CDC42BPA: variants seen among roughly 807,000 people sequenced by gnomAD.
The protein encoded by CDC42BPA is CDC42 binding protein kinase alpha, also known as serine/threonine-protein kinase MRCK alpha.
Under a neutral mutation model 223.5 loss-of-function variants are expected in CDC42BPA, and 80 were observed. That is an observed-to-expected ratio of 0.36 (90% CI 0.30 to 0.43). CDC42BPA has a LOEUF of 0.43. CDC42BPA is among the 20% of genes least tolerant of loss of function. The pLI, the probability that CDC42BPA is intolerant of heterozygous loss-of-function variation, is 1.00. For synonymous variants in CDC42BPA, 694 were observed against 718.6 expected, an observed-to-expected ratio of 0.97 and a Z score of 0.55; for missense variants, 1,743 against 2,099.9, an observed-to-expected ratio of 0.83 and a Z score of 3.32.
intron 5 of CDC42BPA, among the ~76,000 whole-genome samples, chr1:227,170,569 C>T (rs374566675): frequency 1.4e-4 from 21 of 152,280 alleles, no homozygotes; most frequent in Middle Eastern, 3.4e-3. Flanking sequence ...AGCTTTGCCC[C>T]AGATGTCAAC....
intron 1 of CDC42BPA, among the ~76,000 whole-genome samples, chr1:227,289,888 C>CAAA (rs10629910): frequency 0.089 from 10,772 of 120,900 alleles, 987 homozygotes; most frequent in East Asian, 0.35. Flanking sequence ...CCTGTCTCTA[C>CAAA]AAAAAAAAAA....
intron 1 of CDC42BPA, among the ~76,000 whole-genome samples, chr1:227,300,749 C>T (rs1691490570): frequency 1.3e-5 from 2 of 152,136 alleles, no homozygotes; most frequent in African/African-American, 4.8e-5. Context: ...GACGAGTGTA[C>T]TAAAATCTTG....
chr1:227,036,651 G>A (rs1235994521), intron 24 of CDC42BPA, among the ~76,000 whole-genome samples: 2 of 152,018 alleles, frequency 1.3e-5, no homozygotes, highest in Non-Finnish European at 2.9e-5. Flanking sequence ...GGATGGTCTC[G>A]ATCTCCTGAC....
At chr1:227,205,033 T>C (rs975577872) in intron 3 of CDC42BPA, among the ~76,000 whole-genome samples, 4 of 151,782 alleles carry the variant, frequency 2.6e-5, no homozygotes, top group African/African-American at 9.7e-5. Context: ...CTGAGGCAGA[T>C]GGATCACCTG....
At position 227,074,310 on chromosome 1, in the gene CDC42BPA, C is replaced by T. The variant is rs554810044; in HGVS notation, c.2535G>A (p.Met845Ile). Residue 845 changes from methionine (M) to isoleucine (I), a missense_variant, in exon 18 of 37, where the codon ATG (methionine) becomes ATA (isoleucine). Physicochemically the swap from Met to Ile is conservative, Grantham distance 10. Coordinates refer to ENST00000366766, the MANE Select transcript of CDC42BPA (RefSeq NM_001394014.1). Reference sequence around the variant, plus strand: ...TTCTTAATGCCTCCAATTCTTCAGTCATTTTAGAAGCTAAGGCCTGAAGAT... The same window carrying T: ...TTCTTAATGCCTCCAATTCTTCAGTTATTTTAGAAGCTAAGGCCTGAAGAT... ...RGYLQALASK[M>I]TEELEALRNS... is the part of the protein sequence containing the mutation. 9 of 1,613,756 alleles carry T rather than the reference C, an allele frequency of 5.6e-6. No individual in the cohort carries two copies. Among genetic ancestry groups the T allele is most frequent in the African/African-American group, 5.3e-5 (4 of 75,022 alleles).
intron 5 of CDC42BPA, among the ~76,000 whole-genome samples, chr1:227,182,060 T>C (rs1405429469): frequency 6.6e-6 from 1 of 152,160 alleles, no homozygotes; most frequent in Non-Finnish European, 1.5e-5. Context: ...ATTGTAGGTA[T>C]GCTCTCAGCT....
intron 6 of CDC42BPA, among the ~76,000 whole-genome samples, chr1:227,148,726 C>T (rs1324453193): frequency 8.2e-6 from 1 of 122,026 alleles, no homozygotes; most frequent in Admixed American, 1.1e-4. Flanking sequence ...AAGATTGCGC[C>T]ACTGCACTCC....
intron 2 of CDC42BPA, among the ~76,000 whole-genome samples, chr1:227,230,889 C>T (rs1572509725): frequency 7.3e-6 from 1 of 137,366 alleles, no homozygotes; most frequent in East Asian, 2.2e-4. Flanking sequence ...GGCGTGGTCT[C>T]GGCTCAGTGC....
intron 21 of CDC42BPA, among the ~76,000 whole-genome samples, chr1:227,060,952 C>T (rs1461303725): frequency 1.3e-5 from 2 of 152,006 alleles, no homozygotes; most frequent in East Asian, 3.9e-4. Context: ...GAACTCCTGA[C>T]CTAAGTGATC....
intron 10 of CDC42BPA, among the ~76,000 whole-genome samples, chr1:227,138,710 T>C (rs1659123044): frequency 6.6e-6 from 1 of 152,084 alleles, no homozygotes; most frequent in Admixed American, 6.5e-5. Context: ...GAATTAATAT[T>C]AGTCAGCACG....
intron 21 of CDC42BPA, among the ~76,000 whole-genome samples, chr1:227,054,891 A>C (rs1413206003): frequency 1.3e-5 from 2 of 152,062 alleles, no homozygotes; most frequent in Non-Finnish European, 2.9e-5. Context: ...ATATACTCTT[A>C]AATAAAAATC....
intron 5 of CDC42BPA, among the ~76,000 whole-genome samples, chr1:227,182,432 T>C (rs1417937214): frequency 6.6e-6 from 1 of 152,220 alleles, no homozygotes; most frequent in Non-Finnish European, 1.5e-5. Context: ...TTCCAGTCTT[T>C]AGAAAAGCAA....
At position 227,162,984 on chromosome 1, in the gene CDC42BPA, A is replaced by ATG. The variant is rs1553371390; in HGVS notation, c.600-2350_600-2349dup. Among the ~76,000 whole-genome samples, 73 of 141,292 alleles carry ATG rather than the reference A, an allele frequency of 5.2e-4. No individual in the cohort carries two copies. In the Middle Eastern group the frequency reaches 0.015, roughly 28 times the overall value. The allele number at this position is 141,292 out of a possible 152,430, so 92.7% of individuals were successfully genotyped here. On this transcript the variant is annotated intron_variant, in intron 5 of 36. Coordinates refer to ENST00000366766, the MANE Select transcript of CDC42BPA (RefSeq NM_001394014.1). The stretch of plus-strand genomic sequence containing the variant: ...TCCAAACGTGTGTATGTTTCCAAAC[A>ATG]TGTTTCCAAACATGTGTATGTTTCC...
intron 10 of CDC42BPA, among the ~76,000 whole-genome samples, chr1:227,134,917 C>T (rs868649763): frequency 6.6e-6 from 1 of 152,062 alleles, no homozygotes; most frequent in South Asian, 2.1e-4. Context: ...TTTCTCCTGC[C>T]GTAGAAAGTA....
chr1:227,162,613 T>G (rs980029895), intron 5 of CDC42BPA, among the ~76,000 whole-genome samples: 3 of 152,126 alleles, frequency 2.0e-5, no homozygotes, highest in African/African-American at 7.2e-5. Flanking sequence ...GGAGGATTAC[T>G]TGAGCCCAGG....
chr1:227,035,944 A>G (rs1670136847), intron 24 of CDC42BPA, among the ~76,000 whole-genome samples: 1 of 152,196 alleles, frequency 6.6e-6, no homozygotes, highest in African/African-American at 2.4e-5. Context: ...TTTGCTCTTC[A>G]TCCCACTGCA....
chr1:227,130,081 T>C (rs1434706807), intron 10 of CDC42BPA, among the ~76,000 whole-genome samples: 1 of 152,186 alleles, frequency 6.6e-6, no homozygotes, highest in Non-Finnish European at 1.5e-5. Context: ...ATAACTCTAT[T>C]GAGGCTTATT....
At chr1:227,103,798 C>G (rs1685444062) in intron 14 of CDC42BPA, among the ~76,000 whole-genome samples, 1 of 151,958 alleles carries the variant, frequency 6.6e-6, no homozygotes, top group Non-Finnish European at 1.5e-5. Context: ...TACCATTTAG[C>G]AAAACAAACT....
At chr1:227,045,001 C>T (rs959970123) in intron 23 of CDC42BPA, among the ~76,000 whole-genome samples, 4 of 152,144 alleles carry the variant, frequency 2.6e-5, no homozygotes, top group African/African-American at 9.7e-5. Context: ...CTTTCAGCCC[C>T]CTTACCCCTT....
Sources: gnomAD v4.1 joint callset for allele counts (sites outside exome capture counted in the v4.1 genomes callset) on GRCh38, gnomAD v4.1.1 for gene constraint, MANE v1.5 for transcripts, NCBI Gene and HGNC (gene_info 2026-07-23, HGNC 2026-07-21) for gene names.